The following SPDEF variants were observed in gnomAD, a reference collection of about 807,000 sequenced individuals.
The protein encoded by SPDEF is SAM pointed domain containing ETS transcription factor.
A neutral mutation model predicts 36.0 loss-of-function variants in SPDEF; 12 were observed. That is an observed-to-expected ratio of 0.33 (90% confidence interval 0.21 to 0.54). The LOEUF is 0.54. SPDEF is among the 20% of genes least tolerant of loss of function. The pLI is 0.93. For synonymous variants in SPDEF, 205 were observed against 193.0 expected (o/e 1.06, Z -0.51); for missense variants, 388 against 456.9 (o/e 0.85, Z 1.37).
chr6:34,541,840 C>T (rs1378844798), intron 2 of SPDEF, among the ~76,000 whole-genome samples: 1 of 152,008 alleles, frequency 6.6e-6, no homozygotes, highest in African/African-American at 2.4e-5. Context: ...TAGATGTCCC[C>T]CTGGGGTGCT....
chr6:34,541,917 C>T (rs562470863), intron 2 of SPDEF, among the ~76,000 whole-genome samples: 110 of 152,326 alleles, frequency 7.2e-4, no homozygotes, highest in South Asian at 1.2e-3. Context: ...ACAATGGGGC[C>T]TCCAAGTGAA....
At chr6:34,546,000 A>G (rs1361147655) in intron 1 of SPDEF, among the ~76,000 whole-genome samples, 1 of 152,178 alleles carries the variant, frequency 6.6e-6, no homozygotes, top group Admixed American at 6.5e-5. Flanking sequence ...CGCTCCTAAT[A>G]ATACAGAGAA....
At chr6:34,541,273 A>G in intron 2 of SPDEF, 92 bp from the exon 3 acceptor site, 4 of 1,308,428 alleles carry the variant, frequency 3.1e-6, no homozygotes, top group Non-Finnish European at 3.1e-6. Context: ...GCCTGAGACC[A>G]TGTGCTCTTG....
In SPDEF at chr6:34,548,611, T is replaced by C. The variant is rs1372447906; in HGVS notation, c.-29-4127A>G. Among the ~76,000 whole-genome samples, 4 of 152,316 alleles carry C rather than the reference T, an allele frequency of 2.6e-5. No individual in the cohort carries two copies. In the East Asian group the frequency reaches 5.8e-4, roughly 22 times the overall value. On this transcript the variant is annotated intron_variant, in intron 1 of 5. Transcript: ENST00000374037. Reference sequence around the variant, plus strand: ...CAGAGTGGGGAAGGGATTCATGTGCTTATTAGCAGCAGGGTCCGGACCAGA... The same window carrying C: ...CAGAGTGGGGAAGGGATTCATGTGCCTATTAGCAGCAGGGTCCGGACCAGA...
In SPDEF at chr6:34,538,523, C is replaced by A; in HGVS notation, c.830-71G>T. 1 of 1,485,254 alleles carries A rather than the reference C, an allele frequency of 6.7e-7. No individual in the cohort carries two copies. Among genetic ancestry groups the A allele is most frequent in the Non-Finnish European group, 9.1e-7 (1 of 1,094,674 alleles). 92.0% of individuals were successfully genotyped at this position (1,485,254 alleles called of 1,614,324 possible). A position where few individuals can be genotyped will look rare whatever the true frequency, so the allele number is the denominator to read the frequency against. On this transcript the variant is annotated intron_variant, in intron 5 of 5. Coordinates refer to ENST00000374037, the MANE Select transcript of SPDEF (RefSeq NM_012391.3). This position sits in a 1 kb window ranked among gnomAD's most constrained non-coding sequence, Gnocchi z 5.9. ...GCAAGAAGGAGAAAGACGCAGACCA[C>A]CAGGTCAGCCTCGTGGCGAACCAAG...
intron 1 of SPDEF, among the ~76,000 whole-genome samples, chr6:34,548,662 A>G (rs113449916): frequency 8.5e-5 from 13 of 152,264 alleles, no homozygotes; most frequent in African/African-American, 3.1e-4. Context: ...AGTGACCACA[A>G]ATCCAAGCTC....
In SPDEF at chr6:34,552,303, G is replaced by T. The variant is rs912298691; in HGVS notation, c.-30+3626C>A. 1.3e-5 allele frequency among the ~76,000 whole-genome samples: 2 copies of T among 152,214 alleles called. No individual in the cohort carries two copies. The highest frequency in any genetic ancestry group is 3.9e-4 in the East Asian group (2 of 5,182). On this transcript the variant is annotated intron_variant, in intron 1 of 5. Coordinates refer to ENST00000374037, the MANE Select transcript of SPDEF (RefSeq NM_012391.3). This position sits in a 1 kb window ranked among gnomAD's most constrained non-coding sequence, Gnocchi z 4.6. ...TGCTCCCCACAGCCCTGCCCAGCAG[G>T]GTCGTTGAGGGCATGAGAACACACG... is the stretch of plus-strand genomic sequence containing the variant.
chr6:34,546,821 G>T (rs970845042), intron 1 of SPDEF, among the ~76,000 whole-genome samples: 2 of 152,150 alleles, frequency 1.3e-5, no homozygotes, highest in African/African-American at 2.4e-5. Flanking sequence ...GGCTGGGGAT[G>T]TGGGGGACAG....
At chr6:34,547,102 A>T (rs537968496) in intron 1 of SPDEF, among the ~76,000 whole-genome samples, 1 of 151,038 alleles carries the variant, frequency 6.6e-6, no homozygotes, top group South Asian at 2.1e-4. Flanking sequence ...CTCTGCCAAC[A>T]CCCTGGGCGC....
At position 34,538,232 on chromosome 6, in the gene SPDEF, G is replaced by A; in HGVS notation, c.*42C>T. 6.3e-7 allele frequency: 1 copy of A among 1,588,688 alleles called. No individual in the cohort carries two copies. Among genetic ancestry groups the A allele is most frequent in the Non-Finnish European group, 8.6e-7 (1 of 1,163,192 alleles). On this transcript the variant is annotated 3_prime_UTR_variant, in exon 6 of 6. Coordinates refer to ENST00000374037, the MANE Select transcript of SPDEF (RefSeq NM_012391.3). This position sits in a 1 kb window ranked among gnomAD's most constrained non-coding sequence, Gnocchi z 5.9. ...CCTGGCTGAGGCAGGGCAGGCAGGA[G>A]AGAGGCCCCTGAGGGCGGGTTTCAG...
At chr6:34,550,824 G>A (rs1001727113) in intron 1 of SPDEF, among the ~76,000 whole-genome samples, 2 of 152,162 alleles carry the variant, frequency 1.3e-5, no homozygotes, top group African/African-American at 4.8e-5. Context: ...CCAAAGTGGA[G>A]CGCCAGGGGA....
At position 34,552,953 on chromosome 6, in the gene SPDEF, A is replaced by T. The variant is rs1228650720; in HGVS notation, c.-30+2976T>A. Among the ~76,000 whole-genome samples the T allele has an allele frequency of 1.3e-5, 2 of 152,180 alleles. No individual in the cohort carries two copies. Among genetic ancestry groups the T allele is most frequent in the African/African-American group, 4.8e-5 (2 of 41,448 alleles). ...CAAAGCAACTTGCTACCCCAGGAGCAGAGAGGCCTGGGCCTTGCCCCGCAA... is the reference window on the plus strand; with the variant it reads ...CAAAGCAACTTGCTACCCCAGGAGCTGAGAGGCCTGGGCCTTGCCCCGCAA... On this transcript the variant is annotated intron_variant, in intron 1 of 5. Coordinates refer to ENST00000374037, the MANE Select transcript of SPDEF (RefSeq NM_012391.3). This position sits in a 1 kb window ranked among gnomAD's most constrained non-coding sequence, Gnocchi z 4.6.
In SPDEF at chr6:34,552,137, G is replaced by A. The variant is rs931222267; in HGVS notation, c.-30+3792C>T. Among the ~76,000 whole-genome samples, 1 of 151,884 alleles carries A rather than the reference G, an allele frequency of 6.6e-6. No individual in the cohort carries two copies. The highest frequency in any genetic ancestry group is 1.5e-5 in the Non-Finnish European group (1 of 67,972). The stretch of plus-strand genomic sequence containing the variant: ...GGCTGCCCCTCTCTGGCACAGTCTC[G>A]TCCTCACCCCCAAATCGCCGGTACA... On this transcript the variant is annotated intron_variant, in intron 1 of 5. Transcript: ENST00000374037. The surrounding 1 kb of genome is among the most constrained non-coding windows in gnomAD (Gnocchi z 4.6).
intron 1 of SPDEF, among the ~76,000 whole-genome samples, chr6:34,547,959 C>A (rs1475288335): frequency 6.6e-6 from 1 of 152,212 alleles, no homozygotes; most frequent in Non-Finnish European, 1.5e-5. Flanking sequence ...GTCCCCAAGG[C>A]AGCCCAGGCC....
Position 34,543,957 on chromosome 6 carries a change from CCCAGCGACCTCAG to C in SPDEF, c.436+50_436+62del, listed in dbSNP as rs1767884131. On this transcript the variant is annotated intron_variant, in intron 2 of 5. Transcript: ENST00000374037. ...TCCATCCAGCAGTGCCCCGACCCACCCCAGCGACCTCAGCCTTGCCTGTGACCCATCTTACGGA... is the reference window on the plus strand; with the variant it reads ...TCCATCCAGCAGTGCCCCGACCCACCCCTTGCCTGTGACCCATCTTACGGA... The C allele has an allele frequency of 8.4e-6, 13 of 1,545,856 alleles. No homozygotes were observed. In the Admixed American group the frequency reaches 2.7e-4, roughly 32 times the overall value.
In SPDEF at chr6:34,552,489, C is replaced by T. The variant is rs1277240721; in HGVS notation, c.-30+3440G>A. Among the ~76,000 whole-genome samples the T allele has an allele frequency of 2.0e-5, 3 of 152,318 alleles. No homozygotes were observed. Among genetic ancestry groups the T allele is most frequent in the Non-Finnish European group, 4.4e-5 (3 of 68,020 alleles). On this transcript the variant is annotated intron_variant, in intron 1 of 5. Coordinates refer to ENST00000374037, the MANE Select transcript of SPDEF (RefSeq NM_012391.3). This position sits in a 1 kb window ranked among gnomAD's most constrained non-coding sequence, Gnocchi z 4.6. ...GATGTGAGAAGGCTTCACTGTCTCCCGAGAGGTGTGTGTCCACAGTGGTGA... is the reference window on the plus strand; with the variant it reads ...GATGTGAGAAGGCTTCACTGTCTCCTGAGAGGTGTGTGTCCACAGTGGTGA...
chr6:34,539,546 C>G lies in SPDEF; in HGVS notation c.651G>C (p.Glu217Asp). 1 of 1,572,176 alleles carries G rather than the reference C, an allele frequency of 6.4e-7. No homozygotes were observed. The change falls in exon 4 of 6, where the codon GAG becomes GAC. Residue 217 changes from glutamate to aspartate, a missense_variant. Physicochemically the swap from Glu to Asp is conservative, Grantham distance 45. Transcript: ENST00000374037. The surrounding 1 kb of genome is among the most constrained non-coding windows in gnomAD (Gnocchi z 5.2). Reference protein sequence around the residue: ...DIWKSAAWMKERTSPGAIHYC... With the variant: ...DIWKSAAWMKDRTSPGAIHYC... ...AGTGAATCGCCCCAGGTGAAGTCCGCTCTTTCATCCAGGCCGCTGCAGGGC... is the reference window on the plus strand; with the variant it reads ...AGTGAATCGCCCCAGGTGAAGTCCGGTCTTTCATCCAGGCCGCTGCAGGGC...
chr6:34,544,434 G>T lies in SPDEF; in HGVS notation c.22C>A (p.Leu8Met). Residue 8 changes from leucine to methionine, a missense_variant, in exon 2 of 6, where the codon CTG becomes ATG. Leu to Met is a conservative substitution (Grantham distance 15). Transcript: ENST00000374037. The surrounding 1 kb of genome is among the most constrained non-coding windows in gnomAD (Gnocchi z 4.4). Reference protein sequence around the residue: MGSASPGLSSVSPSHLLL... With the variant: MGSASPGMSSVSPSHLLL... ...AGGTGGCTGGGGGATACGCTGCTCAGACCCGGGCTGGCGCTGCCCATGCCG... is the reference window on the plus strand; with the variant it reads ...AGGTGGCTGGGGGATACGCTGCTCATACCCGGGCTGGCGCTGCCCATGCCG... 1 of 1,564,114 alleles carries T rather than the reference G, an allele frequency of 6.4e-7. No homozygotes were observed.
chr6:34,539,364 C>T lies in SPDEF; in HGVS notation c.715G>A (p.Glu239Lys), dbSNP rs112635342. ...TGCCCGGAGCATGATGAGTCCACCT[C>T]GCTGTCGGTCCAGCTCTCCTCACTG... The part of the protein sequence containing the change: ...STSEESWTDS[E>K]VDSSCSGQPI... Residue 239 changes from glutamate to lysine, a missense_variant, in exon 5 of 6, where the codon GAG becomes AAG. Around this residue, in one of 2 missense-constraint regions of SPDEF, gnomAD observed 308 missense variants for 326.1 expected, o/e 0.94. Coordinates refer to ENST00000374037, the MANE Select transcript of SPDEF (RefSeq NM_012391.3). This position sits in a 1 kb window ranked among gnomAD's most constrained non-coding sequence, Gnocchi z 5.2. The T allele has an allele frequency of 1.2e-6, 2 of 1,613,826 alleles. No homozygotes were observed. The highest frequency in any genetic ancestry group is 1.7e-5 in the Admixed American group (1 of 60,020).
Sources: gnomAD v4.1 joint callset for allele counts (sites outside exome capture counted in the v4.1 genomes callset) on GRCh38, gnomAD v4.1.1 for gene constraint, gnomAD v4.1.1 regional missense constraint, Gnocchi (gnomAD v3.1) non-coding constraint, MANE v1.5 for transcripts, NCBI Gene and HGNC (gene_info 2026-07-23, HGNC 2026-07-21) for gene names.